Variants in CPQ observed in about 807,000 individuals in gnomAD.
CPQ encodes the protein Ser-Met dipeptidase.
In CPQ, 37 loss-of-function variants were observed where a neutral mutation model predicts 45.7. The ratio of observed to expected loss-of-function variants is 0.81; its 90% CI spans 0.62 to 1.07. The LOEUF (loss-of-function observed/expected upper bound fraction) is 1.07. Among genes scored for constraint, CPQ ranks in the 50% least tolerant of loss-of-function variants. The pLI is 0.00. For missense variants in CPQ, 537 were observed against 572.9 expected (o/e 0.94, Z 0.64); for synonymous variants, 186 against 205.8 (o/e 0.90, Z 0.82).
intron 5 of CPQ, among the ~76,000 whole-genome samples, chr8:97,001,721 C>CTT (rs61282246): frequency 0.018 from 1,649 of 91,900 alleles, no homozygotes; most frequent in African/African-American, 0.023. Context: ...TTCTTTCTTT[C>CTT]TTTTTTTTTT....
intron 7 of CPQ, among the ~76,000 whole-genome samples, chr8:97,113,230 T>C (rs1035209233): frequency 6.6e-6 from 1 of 152,064 alleles, no homozygotes; most frequent in Non-Finnish European, 1.5e-5. Flanking sequence ...AGACCTTTTT[T>C]TGTTTTTGAG....
intron 2 of CPQ, among the ~76,000 whole-genome samples, chr8:96,822,917 A>G (rs907742048): frequency 6.6e-6 from 1 of 152,048 alleles, no homozygotes; most frequent in African/African-American, 2.4e-5. Flanking sequence ...GTTAGCTAAA[A>G]ATAATAGAAA....
intron 2 of CPQ, among the ~76,000 whole-genome samples, chr8:96,785,774 C>G (rs1259489548): frequency 6.6e-6 from 1 of 152,126 alleles, no homozygotes; most frequent in African/African-American, 2.4e-5. Context: ...TGAGGCTTCT[C>G]CTGCAAGGAA....
At chr8:97,104,337 T>G (rs1219351227) in intron 7 of CPQ, among the ~76,000 whole-genome samples, 1 of 152,192 alleles carries the variant, frequency 6.6e-6, no homozygotes, top group Non-Finnish European at 1.5e-5. Flanking sequence ...TAGTTTCTCA[T>G]GTCCTTTGGC....
At position 96,770,081 on chromosome 8, in the gene CPQ, C is replaced by T. The variant is rs185223226; in HGVS notation, c.-34-14783C>T. 3.9e-5 allele frequency among the ~76,000 whole-genome samples: 6 copies of T among 152,282 alleles called. No homozygotes were observed. The East Asian group carries it at 1.2e-3, about 29-fold the overall frequency. ...ATTTTCTAAGAAGGCAAACTAAAAA[C>T]TTCTCACATGTAAACAGTAAGATGT... On this transcript the variant is annotated intron_variant, in intron 1 of 7. Transcript: ENST00000220763.
At chr8:96,936,952 GAT>G (rs1813060035) in intron 4 of CPQ, among the ~76,000 whole-genome samples, 1 of 152,058 alleles carries the variant, frequency 6.6e-6, no homozygotes. Context: ...AGCAGCATGT[GAT>G]ATCTTTCCTT....
chr8:96,678,202 G>A (rs2130726370), intron 1 of CPQ, among the ~76,000 whole-genome samples: 1 of 152,138 alleles, frequency 6.6e-6, no homozygotes, highest in South Asian at 2.1e-4. Context: ...TTCTAATTCT[G>A]TGAAGAATGA....
intron 1 of CPQ, among the ~76,000 whole-genome samples, chr8:96,664,860 A>G (rs558456443): frequency 1.6e-4 from 24 of 152,348 alleles, no homozygotes; most frequent in African/African-American, 5.3e-4. Flanking sequence ...TACCGCACAC[A>G]TGCTGAATGA....
Position 96,784,970 on chromosome 8 carries a change from A to C in CPQ, c.73A>C (p.Lys25Gln). The C allele has an allele frequency of 6.2e-7, 1 of 1,613,846 alleles. No homozygotes were observed. ...CCTGTGCTCTGGGAAAGCTATATGC[A>C]AGAATGGCATCTCTAAGAGGACTTT... is the stretch of plus-strand genomic sequence containing the variant. Reference protein sequence around the residue: ...LSLCSGKAICKNGISKRTFEE... With the variant: ...LSLCSGKAICQNGISKRTFEE... The change falls in exon 2 of 8, where the codon AAG becomes CAG. Residue 25 changes from lysine to glutamine, a missense_variant. Transcript: ENST00000220763.
At chr8:96,754,169 A>G (rs952279190) in intron 1 of CPQ, among the ~76,000 whole-genome samples, 1 of 152,062 alleles carries the variant, frequency 6.6e-6, no homozygotes, top group African/African-American at 2.4e-5. Context: ...ACTTGTTTGG[A>G]AGAACATTTC....
intron 1 of CPQ, among the ~76,000 whole-genome samples, chr8:96,783,965 C>T (rs766814626): frequency 2.0e-5 from 3 of 152,118 alleles, no homozygotes; most frequent in Non-Finnish European, 2.9e-5. Flanking sequence ...TTGAGTAGCA[C>T]TGTTTAAAGC....
intron 3 of CPQ, among the ~76,000 whole-genome samples, chr8:96,866,656 G>A (rs954703743): frequency 6.6e-6 from 1 of 151,752 alleles, no homozygotes; most frequent in Non-Finnish European, 1.5e-5. Context: ...TCTATTTTTG[G>A]ATGATTTGAC....
chr8:97,082,659 T>C (rs1387112093), intron 7 of CPQ, among the ~76,000 whole-genome samples: 1 of 152,140 alleles, frequency 6.6e-6, no homozygotes, highest in Non-Finnish European at 1.5e-5. Context: ...ATCACAGAAG[T>C]GTGCCTTATC....
intron 1 of CPQ, among the ~76,000 whole-genome samples, chr8:96,725,092 T>A (rs895187352): frequency 2.0e-5 from 3 of 152,156 alleles, no homozygotes; most frequent in Non-Finnish European, 2.9e-5. Flanking sequence ...AAAAATGGAT[T>A]AAAGACTTAA....
intron 4 of CPQ, among the ~76,000 whole-genome samples, chr8:96,888,457 C>T (rs1345416306): frequency 6.6e-6 from 1 of 152,100 alleles, no homozygotes; most frequent in Non-Finnish European, 1.5e-5. Flanking sequence ...TGAAATTTAT[C>T]ATCACACTAA....
At chr8:96,790,648 C>T (rs1810834452) in intron 2 of CPQ, among the ~76,000 whole-genome samples, 2 of 152,106 alleles carry the variant, frequency 1.3e-5, no homozygotes, top group Admixed American at 6.6e-5. Flanking sequence ...GAATACGGTA[C>T]CTGTAGTAGA....
intron 5 of CPQ, among the ~76,000 whole-genome samples, chr8:97,010,803 A>G (rs867568890): frequency 6.6e-6 from 1 of 152,320 alleles, no homozygotes; most frequent in Middle Eastern, 3.4e-3. Flanking sequence ...CTTAAAACTT[A>G]AAGGCCCTAA....
At position 96,728,942 on chromosome 8, in the gene CPQ, A is replaced by G. The variant is rs112548732; in HGVS notation, c.-34-55922A>G. On this transcript the variant is annotated intron_variant, in intron 1 of 7. Coordinates refer to ENST00000220763, the MANE Select transcript of CPQ (RefSeq NM_016134.4). ...TAGAGAGTGAGAAAAATCCTTCATC[A>G]TCAAGAGGAAAAAAAACAAACAAAC... 5.9e-3 allele frequency among the ~76,000 whole-genome samples: 905 copies of G among 152,226 alleles called. 15 individuals carry two copies. Among genetic ancestry groups the G allele is most frequent in the African/African-American group, 0.016 (653 of 41,556 alleles).
rs1392771237 is a variant in CPQ at position 96,723,576 on chromosome 8, C to T, written c.-34-61288C>T. Among the ~76,000 whole-genome samples the T allele has an allele frequency of 2.0e-5, 3 of 152,122 alleles. 1 individual carries two copies. Among genetic ancestry groups the T allele is most frequent in the African/African-American group, 7.2e-5 (3 of 41,418 alleles). On this transcript the variant is annotated intron_variant, in intron 1 of 7. Coordinates refer to ENST00000220763, the MANE Select transcript of CPQ (RefSeq NM_016134.4). The stretch of plus-strand genomic sequence containing the variant: ...TACTCAATCTCTCTTTTATTACCCC[C>T]ATCTCTCCCTCCCTAAATGAGTACC...
Sources: allele counts gnomAD v4.1 joint callset (sites outside exome capture counted in the v4.1 genomes callset), GRCh38; gene constraint gnomAD v4.1.1; transcripts MANE v1.5; gene names NCBI Gene and HGNC (gene_info 2026-07-23, HGNC 2026-07-21).